The following LARP4 variants were observed in gnomAD, a reference collection of about 807,000 sequenced individuals.
LARP4 encodes the protein La ribonucleoprotein 4.
In LARP4, 29 loss-of-function variants were observed where a neutral mutation model predicts 92.9. That is an observed-to-expected ratio of 0.31 (90% CI 0.23 to 0.43). The LOEUF (loss-of-function observed/expected upper bound fraction) is 0.43, where lower values mean the gene tolerates loss of function less well. LARP4 is among the 20% of genes least tolerant of loss of function. LARP4 has a pLI of 1.00. For synonymous variants in LARP4, 279 were observed against 284.1 expected (o/e 0.98, Z 0.18); for missense variants, 732 against 860.0 (o/e 0.85, Z 1.86).
chr12:50,476,014 T>C lies in LARP4; in HGVS notation c.*150T>C, dbSNP rs1957507992. On this transcript the variant is annotated 3_prime_UTR_variant, in exon 16 of 16. Coordinates refer to ENST00000398473, the MANE Select transcript of LARP4 (RefSeq NM_052879.5). ...TTATGGATTTTGGAGTTGTGAGTGA[T>C]AGGATCCCAAAATTCATCTCTAATG... 1.7e-6 allele frequency: 1 copy of C among 605,026 alleles called. No individual in the cohort carries two copies. Among genetic ancestry groups the C allele is most frequent in the African/African-American group, 1.8e-5 (1 of 54,136 alleles). 37.5% of individuals were successfully genotyped at this position (605,026 alleles called of 1,614,324 possible).
intron 1 of LARP4, chr12:50,420,947 C>CTTTTTTTTTTTTTTTTTTTTTTTTTTT (rs71083567): frequency 8.1e-5 from 9 of 111,436 alleles, no homozygotes; most frequent in African/African-American, 3.1e-4. Context: ...ATAACCTTTG[C>CTTTTTTTTTTTTTTTTTTTTTTTTTTT]TTTTTTTTTT....
rs557122367 is a variant in LARP4, at chr12:50,444,463, A to G, written c.804+2820A>G. On this transcript the variant is annotated intron_variant, in intron 8 of 15. Transcript: ENST00000398473. ...CCATCACATAGCAACATAAGTTGCAAGAAAATTCACATTAACTTTTATACC... is the reference window on the plus strand; with the variant it reads ...CCATCACATAGCAACATAAGTTGCAGGAAAATTCACATTAACTTTTATACC... 3.3e-5 allele frequency among the ~76,000 whole-genome samples: 5 copies of G among 152,314 alleles called. No homozygotes were observed. In the South Asian group the frequency reaches 6.2e-4, roughly 19 times the overall value.
intron 12 of LARP4, among the ~76,000 whole-genome samples, chr12:50,463,677 G>A (rs1955768840): frequency 6.6e-6 from 1 of 152,188 alleles, no homozygotes; most frequent in Non-Finnish European, 1.5e-5. Context: ...GCCTTAGGCA[G>A]CTCCACCCCT....
chr12:50,452,909 T>C (rs998457869), intron 8 of LARP4, among the ~76,000 whole-genome samples: 3 of 152,032 alleles, frequency 2.0e-5, no homozygotes, highest in Non-Finnish European at 4.4e-5. Flanking sequence ...GTTTTTACTC[T>C]GCTTGTTGTT....
chr12:50,430,970 A>G (rs1026856410), intron 4 of LARP4, among the ~76,000 whole-genome samples: 4 of 152,090 alleles, frequency 2.6e-5, no homozygotes, highest in African/African-American at 7.2e-5. Context: ...CCCCTTGTCT[A>G]GATTTAAAAG....
At chr12:50,470,463 T>G (rs933893035) in intron 13 of LARP4, among the ~76,000 whole-genome samples, 4 of 152,084 alleles carry the variant, frequency 2.6e-5, no homozygotes, top group South Asian at 2.1e-4. Context: ...GATGGAGTTT[T>G]GCTCTTGTTG....
At chr12:50,426,404 TC>T (rs1948708370) in intron 1 of LARP4, among the ~76,000 whole-genome samples, 1 of 152,182 alleles carries the variant, frequency 6.6e-6, no homozygotes, top group Admixed American at 6.5e-5. Flanking sequence ...AATTCCCACA[TC>T]ACATTCATCA....
At chr12:50,434,523 A>G (rs532900302) in intron 4 of LARP4, among the ~76,000 whole-genome samples, 47 of 149,540 alleles carry the variant, frequency 3.1e-4, no homozygotes, top group African/African-American at 1.2e-3. Context: ...GGTTCAAGCG[A>G]TTCTCTTGCC....
chr12:50,425,345 A>T (rs1008619113), intron 1 of LARP4, among the ~76,000 whole-genome samples: 6 of 152,004 alleles, frequency 3.9e-5, no homozygotes, highest in Non-Finnish European at 4.4e-5. Context: ...TTAATGTTTG[A>T]TCTCTGTTTC....
chr12:50,411,421 C>T (rs1945869099), intron 1 of LARP4, among the ~76,000 whole-genome samples: 1 of 151,922 alleles, frequency 6.6e-6, no homozygotes, highest in Non-Finnish European at 1.5e-5. Flanking sequence ...ACAATCTCAG[C>T]TCACGGCAAC....
chr12:50,408,221 G>A (rs1396484657), intron 1 of LARP4, among the ~76,000 whole-genome samples: 4 of 127,336 alleles, frequency 3.1e-5, no homozygotes, highest in Non-Finnish European at 6.4e-5. Context: ...TTTCCAGCTG[G>A]AGTTTCTCTC....
At position 50,475,737 on chromosome 12, in the gene LARP4, T is replaced by G; in HGVS notation, c.2048T>G (p.Ile683Arg). Reference sequence around the variant, plus strand: ...GATTATTCTGGCTTCCGAGGCAATATAATCCCCAGGGGAGCAGCAGGAAAA... The same window carrying G: ...GATTATTCTGGCTTCCGAGGCAATAGAATCCCCAGGGGAGCAGCAGGAAAA... The part of the protein sequence containing the change: ...SKDYSGFRGN[I>R]IPRGAAGKIR... The change falls in exon 16 of 16, where the codon ATA becomes AGA. Residue 683 changes from isoleucine to arginine, a missense_variant. Transcript: ENST00000398473. The G allele has an allele frequency of 1.2e-6, 2 of 1,614,054 alleles. No homozygotes were observed. The highest frequency in any genetic ancestry group is 1.7e-6 in the Non-Finnish European group (2 of 1,180,020).
chr12:50,475,946 G>C lies in LARP4; in HGVS notation c.*82G>C. 2.5e-6 allele frequency: 3 copies of C among 1,190,780 alleles called. No individual in the cohort carries two copies. The highest frequency in any genetic ancestry group is 2.5e-5 in the Admixed American group (1 of 40,732). 73.8% of individuals were successfully genotyped at this position (1,190,780 alleles called of 1,614,324 possible). A position where few individuals can be genotyped will look rare whatever the true frequency, so the allele number is the denominator to read the frequency against. ...CTATATTGAACTGTTTTGGAGGGGA[G>C]GGGGTAGCCAGGAAGGAAACAAGAG... On this transcript the variant is annotated 3_prime_UTR_variant, in exon 16 of 16. Transcript: ENST00000398473.
At chr12:50,448,527 G>T (rs1403873716) in intron 8 of LARP4, among the ~76,000 whole-genome samples, 8 of 151,960 alleles carry the variant, frequency 5.3e-5, no homozygotes, top group Non-Finnish European at 1.5e-5. Flanking sequence ...TATCAAGAGG[G>T]ATTCTTTCCC....
intron 8 of LARP4, among the ~76,000 whole-genome samples, chr12:50,441,906 CG>C (rs934779256): frequency 6.6e-6 from 1 of 152,048 alleles, no homozygotes; most frequent in African/African-American, 2.4e-5. Flanking sequence ...AAAAATTAGC[CG>C]GGTGTTGTGG....
rs911083298 is a variant in LARP4 at position 50,429,099 on chromosome 12, T to G, written c.322+9T>G. 6.2e-7 allele frequency: 1 copy of G among 1,607,792 alleles called. No homozygotes were observed. Among genetic ancestry groups the G allele is most frequent in the African/African-American group, 1.3e-5 (1 of 74,936 alleles). On this transcript the variant is annotated intron_variant, in intron 3 of 15. Transcript: ENST00000398473. ...AATATATGATGTTTCCGGTAAACTT[T>G]ATGGTTTTATTGTTAAAATGAGAAT...
At chr12:50,448,668 GCACC>G in intron 8 of LARP4, among the ~76,000 whole-genome samples, 1 of 151,914 alleles carries the variant, frequency 6.6e-6, no homozygotes, top group Non-Finnish European at 1.5e-5. Context: ...GGGATTACAG[GCACC>G]CACCACCACG....
At chr12:50,441,691 G>C in intron 8 of LARP4, 48 bp downstream of exon 8, 2 of 1,331,122 alleles carry the variant, frequency 1.5e-6, no homozygotes, top group Non-Finnish European at 2.1e-6. Context: ...TTGGTTCTCT[G>C]TATGAGAATT....
At chr12:50,460,868 G>A (rs575894655) in intron 10 of LARP4, among the ~76,000 whole-genome samples, 9 of 152,232 alleles carry the variant, frequency 5.9e-5, no homozygotes, top group South Asian at 2.1e-4. Flanking sequence ...GCGTGAACCC[G>A]GAAGGCAGAG....
Sources: allele counts gnomAD v4.1 joint callset (sites outside exome capture counted in the v4.1 genomes callset), GRCh38; gene constraint gnomAD v4.1.1; transcripts MANE v1.5; gene names NCBI Gene and HGNC (gene_info 2026-07-23, HGNC 2026-07-21).